Variants in RIMKLB observed in about 807,000 individuals in gnomAD.
RIMKLB encodes beta-citrylglutamate synthase B.
In RIMKLB, 7 loss-of-function variants were observed where a neutral mutation model predicts 32.0. The observed-to-expected ratio is 0.22, with a 90% CI of 0.12 to 0.41. RIMKLB has a LOEUF of 0.41. Ranked by LOEUF, RIMKLB falls within the 10% of genes least tolerant of loss-of-function variation. RIMKLB has a pLI of 1.00. For missense variants in RIMKLB, 289 were observed against 498.7 expected (o/e 0.58, Z 4.00); for synonymous variants, 172 against 185.1 (o/e 0.93, Z 0.57).
intron 1 of RIMKLB, among the ~76,000 whole-genome samples, chr12:8,712,613 A>G (rs913727266): frequency 6.6e-6 from 1 of 152,088 alleles, no homozygotes; most frequent in African/African-American, 2.4e-5. Context: ...TAGGTGGGTC[A>G]AGAGAGAGGT....
At chr12:8,767,326 T>C (rs918505440) in intron 5 of RIMKLB, among the ~76,000 whole-genome samples, 1 of 152,178 alleles carries the variant, frequency 6.6e-6, no homozygotes, top group African/African-American at 2.4e-5. Flanking sequence ...TAACTGCCCA[T>C]GTCGAGAGCT....
chr12:8,718,979 A>T lies in RIMKLB; in HGVS notation c.175+4938A>T, dbSNP rs142577704. ...TACATGTATCCACCACTGTGGTATC[A>T]TACAGAATAGTTTCCCTGCACTAAA... On this transcript the variant is annotated intron_variant, in intron 2 of 5. Transcript: ENST00000535829. Among the ~76,000 whole-genome samples the T allele has an allele frequency of 1.8e-3, 278 of 152,224 alleles. 1 individual carries two copies. The highest frequency in any genetic ancestry group is 3.2e-3 in the Non-Finnish European group (220 of 68,004).
rs1472520204 is a variant in RIMKLB at position 8,776,035 on chromosome 12, A to C, written c.*2251A>C. 33 of 983,964 alleles carry C rather than the reference A, an allele frequency of 3.4e-5. No homozygotes were observed. Among genetic ancestry groups the C allele is most frequent in the Non-Finnish European group, 4.0e-5 (33 of 828,708 alleles). 61.0% of individuals were successfully genotyped at this position (983,964 alleles called of 1,614,324 possible). A position where few individuals can be genotyped will look rare whatever the true frequency, so the allele number is the denominator to read the frequency against. ...ACTGCTTAATTAAATTATCATTCAT[A>C]TGTTCATATAGAGACCATCTGGTTG... On this transcript the variant is annotated 3_prime_UTR_variant, in exon 6 of 6. Transcript: ENST00000535829.
At position 8,767,824 on chromosome 12, in the gene RIMKLB, C is replaced by T. The variant is rs772419607; in HGVS notation, c.698-5497C>T. 1.8e-4 allele frequency among the ~76,000 whole-genome samples: 28 copies of T among 152,284 alleles called. No individual in the cohort carries two copies. The East Asian group carries it at 4.4e-3, about 24-fold the overall frequency. On this transcript the variant is annotated intron_variant, in intron 5 of 5. Transcript: ENST00000535829. ...CCTCACACCTGAGTCTTAAGTCTGG[C>T]GGCCATGCTAATTATTTTTAACCAG...
upstream of RIMKLB, among the ~76,000 whole-genome samples, chr12:8,693,886 G>T (rs1639334333): frequency 6.6e-6 from 1 of 152,110 alleles, no homozygotes; most frequent in Admixed American, 6.6e-5. Flanking sequence ...TTGGTGCCTG[G>T]ACGCCAATGC....
intron 1 of RIMKLB, chr12:8,700,163 A>G (rs1943264648): frequency 6.6e-6 from 1 of 152,176 alleles, no homozygotes; most frequent in Non-Finnish European, 1.5e-5. Flanking sequence ...AATTACCAGT[A>G]AACTCTTCTA....
intron 5 of RIMKLB, among the ~76,000 whole-genome samples, chr12:8,769,112 AT>A (rs1950204329): frequency 6.6e-6 from 1 of 151,980 alleles, no homozygotes; most frequent in African/African-American, 2.4e-5. Context: ...TTTCTCTTTT[AT>A]TTACAGTTGG....
intron 1 of RIMKLB, among the ~76,000 whole-genome samples, chr12:8,690,648 G>A (rs1273271470): frequency 6.6e-6 from 1 of 152,236 alleles, no homozygotes; most frequent in East Asian, 1.9e-4. Flanking sequence ...CTCCAGGCCA[G>A]GTGCAGTGGC....
chr12:8,748,661 G>A (rs116559371), intron 2 of RIMKLB, among the ~76,000 whole-genome samples: 1,978 of 150,624 alleles, frequency 0.013, 40 homozygotes, highest in African/African-American at 0.046. Context: ...GAAGAAACTC[G>A]GGGCGGCCGT....
intron 2 of RIMKLB, among the ~76,000 whole-genome samples, chr12:8,735,011 G>A (rs1368144488): frequency 6.6e-6 from 1 of 152,090 alleles, no homozygotes; most frequent in Non-Finnish European, 1.5e-5. Flanking sequence ...GAGAATTGAG[G>A]TAGTTTTCTC....
At chr12:8,712,544 T>C (rs994950933) in intron 1 of RIMKLB, among the ~76,000 whole-genome samples, 17 of 152,248 alleles carry the variant, frequency 1.1e-4, no homozygotes, top group Non-Finnish European at 2.5e-4. Context: ...TAATCCAGTT[T>C]AGATACCCTG....
At chr12:8,733,418 G>A (rs543531117) in intron 2 of RIMKLB, among the ~76,000 whole-genome samples, 3 of 151,992 alleles carry the variant, frequency 2.0e-5, no homozygotes, top group Non-Finnish European at 4.4e-5. Context: ...TGTAGTATCT[G>A]TTTACTACCA....
chr12:8,715,495 A>G (rs1168358293), intron 2 of RIMKLB, among the ~76,000 whole-genome samples: 1 of 152,158 alleles, frequency 6.6e-6, no homozygotes. Flanking sequence ...AAGTGCTGAG[A>G]TTACAGGCAT....
intron 5 of RIMKLB, among the ~76,000 whole-genome samples, chr12:8,762,856 G>A (rs1053061415): frequency 4.6e-5 from 7 of 152,130 alleles, no homozygotes; most frequent in African/African-American, 1.7e-4. Context: ...AGTTGAGGTC[G>A]GGATCAGTCA....
chr12:8,752,109 C>T, intron 4 of RIMKLB, 66 bp downstream of exon 4: 1 of 1,010,682 alleles, frequency 9.9e-7, no homozygotes, highest in Non-Finnish European at 1.5e-6. Flanking sequence ...TATGGAGTGA[C>T]TTTGAAGAAT....
chr12:8,720,191 T>G lies in RIMKLB; in HGVS notation c.175+6150T>G, dbSNP rs771879879. Among the ~76,000 whole-genome samples the G allele has an allele frequency of 2.6e-5, 4 of 152,306 alleles. No homozygotes were observed. The East Asian group carries it at 7.7e-4, about 29-fold the overall frequency. On this transcript the variant is annotated intron_variant, in intron 2 of 5. Coordinates refer to ENST00000535829, the MANE Select transcript of RIMKLB (RefSeq NM_001297776.2). ...AGTAGAATATAGAACATTAAGACAT[T>G]GAGGACATATATTTTGACACCACAA...
intron 2 of RIMKLB, among the ~76,000 whole-genome samples, chr12:8,744,482 A>AT (rs1369469183): frequency 6.6e-6 from 1 of 151,912 alleles, no homozygotes; most frequent in Non-Finnish European, 1.5e-5. Flanking sequence ...TGACAAGGTA[A>AT]TAATGGTTGA....
intron 2 of RIMKLB, among the ~76,000 whole-genome samples, chr12:8,716,454 T>TTTTTTC: frequency 8.0e-6 from 1 of 124,450 alleles, no homozygotes; most frequent in Non-Finnish European, 1.8e-5. Context: ...TTTTTTTTTT[T>TTTTTTC]AATTCACAAG....
rs1296960908 is a variant in RIMKLB at position 8,718,667 on chromosome 12, A to ATGTGTGTG, written c.175+4627_175+4628insGTGTGTGT. 1.7e-3 allele frequency among the ~76,000 whole-genome samples: 226 copies of ATGTGTGTG among 132,714 alleles called. 2 individuals are homozygous for ATGTGTGTG. The highest frequency in any genetic ancestry group is 3.8e-3 in the Middle Eastern group (1 of 266). The allele number at this position is 132,714 out of a possible 152,430, so 87.1% of individuals were successfully genotyped here. On this transcript the variant is annotated intron_variant, in intron 2 of 5. Transcript: ENST00000535829. The stretch of plus-strand genomic sequence containing the variant: ...TCTCTCTCTCTCTATATATATATAT[A>ATGTGTGTG]TATGTGTGTGTGTGTGTGTGTGTGT...
Sources: allele counts gnomAD v4.1 joint callset (sites outside exome capture counted in the v4.1 genomes callset), GRCh38; gene constraint gnomAD v4.1.1; transcripts MANE v1.5; gene names NCBI Gene and HGNC (gene_info 2026-07-23, HGNC 2026-07-21).